NAP1L4: variants seen among roughly 807,000 people sequenced by gnomAD.
NAP1L4 encodes nucleosome assembly protein 1 like 4.
NAP1L4 carries 15 observed loss-of-function variants against 58.2 expected under a neutral mutation model. That is an observed-to-expected ratio of 0.26 (90% CI 0.17 to 0.40). The LOEUF is 0.40. Among genes scored for constraint, NAP1L4 ranks in the 10% least tolerant of loss-of-function variants. NAP1L4 has a pLI of 1.00. For synonymous variants in NAP1L4, 171 were observed against 155.6 expected (o/e 1.10, Z -0.74); for missense variants, 384 against 451.1 (o/e 0.85, Z 1.35).
In NAP1L4 at chr11:2,964,638, G is replaced by T. The variant is rs1236572951; in HGVS notation, c.606+42C>A. ...CCAAGTTCTTCCATCTTTGTGGACTGACCCTGTCTGATGCCAACCAGAAGG... is the reference window on the plus strand; with the variant it reads ...CCAAGTTCTTCCATCTTTGTGGACTTACCCTGTCTGATGCCAACCAGAAGG... On this transcript the variant is annotated intron_variant, in intron 8 of 15. Transcript: ENST00000380542. The T allele has an allele frequency of 2.0e-6, 3 of 1,526,964 alleles. No homozygotes were observed. The Admixed American group carries it at 5.2e-5, about 26-fold the overall frequency. The allele number at this position is 1,526,964 out of a possible 1,614,324, so 94.6% of individuals were successfully genotyped here. A position where few individuals can be genotyped will look rare whatever the true frequency, so the allele number is the denominator to read the frequency against.
At chr11:2,963,787 T>C (rs771279578) in intron 8 of NAP1L4, 11 of 519,166 alleles carry the variant, frequency 2.1e-5, no homozygotes, top group Non-Finnish European at 3.1e-5. Flanking sequence ...CTCCAAGACC[T>C]GAAACTGAAA....
rs763527352 is a variant in NAP1L4, at chr11:2,949,883, G to A, written c.1123-619C>T. Among the ~76,000 whole-genome samples the A allele has an allele frequency of 2.0e-5, 3 of 152,252 alleles. No individual in the cohort carries two copies. The highest frequency in any genetic ancestry group is 4.4e-5 in the Non-Finnish European group (3 of 68,042). On this transcript the variant is annotated intron_variant, in intron 14 of 15. Coordinates refer to ENST00000380542, the MANE Select transcript of NAP1L4 (RefSeq NM_005969.4). The surrounding 1 kb of genome is among the most constrained non-coding windows in gnomAD (Gnocchi z 4.0). ...GAGATACAAGTGCAACAAGGACAGA[G>A]GCAGCTGTGCGCGGAGTCTGAGGAG...
chr11:2,951,013 G>A lies in NAP1L4; in HGVS notation c.1122+246C>T. 2.3e-6 allele frequency: 1 copy of A among 434,054 alleles called. No individual in the cohort carries two copies. The highest frequency in any genetic ancestry group is 4.1e-6 in the Non-Finnish European group (1 of 246,016). 26.9% of individuals were successfully genotyped at this position (434,054 alleles called of 1,614,324 possible). A position where few individuals can be genotyped will look rare whatever the true frequency, so the allele number is the denominator to read the frequency against. On this transcript the variant is annotated intron_variant, in intron 14 of 15. Coordinates refer to ENST00000380542, the MANE Select transcript of NAP1L4 (RefSeq NM_005969.4). This position sits in a 1 kb window ranked among gnomAD's most constrained non-coding sequence, Gnocchi z 4.0. Reference sequence around the variant, plus strand: ...TGGAAAGTCAAGTTGCTCTACTGAGGAGTCTATGTAAATAAGACACAGCTT... The same window carrying A: ...TGGAAAGTCAAGTTGCTCTACTGAGAAGTCTATGTAAATAAGACACAGCTT...
chr11:2,978,334 T>C lies in NAP1L4; in HGVS notation c.23A>G (p.Asp8Gly). 6.2e-7 allele frequency: 1 copy of C among 1,613,868 alleles called. No individual in the cohort carries two copies. The highest frequency in any genetic ancestry group is 1.7e-4 in the Middle Eastern group (1 of 6,060). The change falls in exon 3 of 16, where the codon GAT (aspartate) becomes GGT (glycine). Residue 8 changes from aspartate (D) to glycine (G), a missense_variant. Asp to Gly is a moderately conservative substitution (Grantham distance 94). Transcript: ENST00000380542. MADHSFS[D>G]GVPSDSVEAA... is the part of the protein sequence containing the mutation. Reference sequence around the variant, plus strand: ...TTCCACGGAATCTGAAGGAACCCCATCTGAAAAACTAAAACAACAGTATGT... The same window carrying C: ...TTCCACGGAATCTGAAGGAACCCCACCTGAAAAACTAAAACAACAGTATGT...
In NAP1L4 at chr11:2,954,410, G is replaced by C; in HGVS notation, c.1035+117C>G. On this transcript the variant is annotated intron_variant, in intron 12 of 15. Coordinates refer to ENST00000380542, the MANE Select transcript of NAP1L4 (RefSeq NM_005969.4). The surrounding 1 kb of genome is among the most constrained non-coding windows in gnomAD (Gnocchi z 4.8). ...GACAGCAGCTTGGACTACATATCTGGCTGATGATGTAATAAAAAGATTAGG... is the reference window on the plus strand; with the variant it reads ...GACAGCAGCTTGGACTACATATCTGCCTGATGATGTAATAAAAAGATTAGG... 1 of 1,427,560 alleles carries C rather than the reference G, an allele frequency of 7.0e-7. No individual in the cohort carries two copies. Among genetic ancestry groups the C allele is most frequent in the South Asian group, 1.2e-5 (1 of 84,754 alleles). The allele number at this position is 1,427,560 out of a possible 1,614,324, so 88.4% of individuals were successfully genotyped here.
chr11:2,990,928 A>C lies in NAP1L4; in HGVS notation c.-18+1326T>G, dbSNP rs1248324356. On this transcript the variant is annotated intron_variant, in intron 1 of 15. Transcript: ENST00000380542. Reference sequence around the variant, plus strand: ...ACTTACCTTTAAGGTCCAACAACCTAATCTACATATTTGTATATTTCTAAG... The same window carrying C: ...ACTTACCTTTAAGGTCCAACAACCTCATCTACATATTTGTATATTTCTAAG... 5 of 350,896 alleles carry C rather than the reference A, an allele frequency of 1.4e-5. No homozygotes were observed. The Admixed American group carries it at 1.8e-4, about 13-fold the overall frequency. 21.7% of individuals were successfully genotyped at this position (350,896 alleles called of 1,614,324 possible).
intron 10 of NAP1L4, among the ~76,000 whole-genome samples, chr11:2,957,277 G>A (rs1846601110): frequency 6.6e-6 from 1 of 152,184 alleles, no homozygotes; most frequent in African/African-American, 2.4e-5. Context: ...CCAAAAAAAG[G>A]AAATGTAATA....
At chr11:2,945,745 C>A in intron 15 of NAP1L4, 99 bp from the exon 16 acceptor site, 1 of 1,000,806 alleles carries the variant, frequency 1.0e-6, no homozygotes. Context: ...TGAGTTCATT[C>A]TCATTGAAAA....
intron 1 of NAP1L4, chr11:2,988,081 A>G (rs1848748608): frequency 6.6e-6 from 1 of 152,218 alleles, no homozygotes; most frequent in South Asian, 2.1e-4. Flanking sequence ...ACCTGCCTCC[A>G]AACAGCAGCA....
chr11:2,948,094 A>G lies in NAP1L4; in HGVS notation c.*32+1133T>C, dbSNP rs980559415. 5.3e-5 allele frequency among the ~76,000 whole-genome samples: 8 copies of G among 152,136 alleles called. No homozygotes were observed. The highest frequency in any genetic ancestry group is 1.0e-4 in the Non-Finnish European group (7 of 68,026). The stretch of plus-strand genomic sequence containing the variant: ...GAGTGGGTGAGGGTACAGGTGGAAT[A>G]AGAGTGGCTAAGTTCTTCAGACATG... On this transcript the variant is annotated intron_variant, in intron 15 of 15. Transcript: ENST00000380542. This position sits in a 1 kb window ranked among gnomAD's most constrained non-coding sequence, Gnocchi z 5.1.
At chr11:2,990,984 C>T in intron 1 of NAP1L4, 10 of 378,004 alleles carry the variant, frequency 2.6e-5, no homozygotes, top group Non-Finnish European at 4.4e-5. Flanking sequence ...CTATTTTCAC[C>T]CCGTAAACCT....
In NAP1L4 at chr11:2,946,917, G is replaced by A. The variant is rs563418185; in HGVS notation, c.*33-1271C>T. 2.6e-5 allele frequency among the ~76,000 whole-genome samples: 4 copies of A among 152,322 alleles called. No homozygotes were observed. Among genetic ancestry groups the A allele is most frequent in the Admixed American group, 2.6e-4 (4 of 15,304 alleles). On this transcript the variant is annotated intron_variant, in intron 15 of 15. Transcript: ENST00000380542. The surrounding 1 kb of genome is among the most constrained non-coding windows in gnomAD (Gnocchi z 4.8). ...TGGGGGATGCAGGGCGCCCCGAGCA[G>A]GAGCAGTGAGGGGAGGAGTGGGACA...
Position 2,951,869 on chromosome 11 carries a change from A to G in NAP1L4, c.1036-60T>C. 1.3e-6 allele frequency: 2 copies of G among 1,525,414 alleles called. No individual in the cohort carries two copies. The highest frequency in any genetic ancestry group is 3.4e-5 in the Admixed American group (2 of 59,068). 94.5% of individuals were successfully genotyped at this position (1,525,414 alleles called of 1,614,324 possible). ...AAAACATGACAGCAGCCTGCCCAAG[A>G]CACCAGTCCCATCAAGTGACTCACT... On this transcript the variant is annotated intron_variant, in intron 12 of 15. Transcript: ENST00000380542. This position sits in a 1 kb window ranked among gnomAD's most constrained non-coding sequence, Gnocchi z 4.0.
intron 1 of NAP1L4, among the ~76,000 whole-genome samples, chr11:2,988,297 T>A (rs974287859): frequency 6.6e-6 from 1 of 152,234 alleles, no homozygotes; most frequent in African/African-American, 2.4e-5. Flanking sequence ...ATCCAGTACA[T>A]ATTAAAAGAT....
At chr11:2,973,925 G>A (rs1847795563) in intron 4 of NAP1L4, among the ~76,000 whole-genome samples, 1 of 152,010 alleles carries the variant, frequency 6.6e-6, no homozygotes, top group Admixed American at 6.6e-5. Flanking sequence ...ACATCACCAT[G>A]CCCAGCTAAT....
Position 2,969,365 on chromosome 11 carries a change from T to TAC in NAP1L4, c.534+436_534+437dup, listed in dbSNP as rs112028410. Among the ~76,000 whole-genome samples the TAC allele has an allele frequency of 2.6e-3, 387 of 151,222 alleles. 1 individual carries two copies. The highest frequency in any genetic ancestry group is 8.2e-3 in the African/African-American group (337 of 41,204). On this transcript the variant is annotated intron_variant, in intron 7 of 15. Transcript: ENST00000380542. Reference sequence around the variant, plus strand: ...TCAAAAATTCACTGAGATGTGTGTGTACACACACACACACAAACAAACACA... The same window carrying TAC: ...TCAAAAATTCACTGAGATGTGTGTGTACACACACACACACACAAACAAACACA...
rs930165948 is a variant in NAP1L4, at chr11:2,955,957, G to A, written c.893-191C>T. ...AGCTCCATCCACCACTTCTGAAGCT[G>A]GCCTGAGTGCCTCTATGCCCCCCTC... is the stretch of plus-strand genomic sequence containing the variant. On this transcript the variant is annotated intron_variant, in intron 10 of 15. Coordinates refer to ENST00000380542, the MANE Select transcript of NAP1L4 (RefSeq NM_005969.4). This position sits in a 1 kb window ranked among gnomAD's most constrained non-coding sequence, Gnocchi z 4.2. Among the ~76,000 whole-genome samples the A allele has an allele frequency of 2.0e-5, 3 of 152,104 alleles. No homozygotes were observed. The highest frequency in any genetic ancestry group is 4.4e-5 in the Non-Finnish European group (3 of 68,018).
At chr11:2,969,724 T>C (rs891751274) in intron 7 of NAP1L4, 79 bp downstream of exon 7, 4 of 1,492,694 alleles carry the variant, frequency 2.7e-6, no homozygotes, top group African/African-American at 2.8e-5. Context: ...ATGCCCAGTG[T>C]AGTGCTTAAA....
At chr11:2,987,063 T>C (rs553127877) in intron 1 of NAP1L4, among the ~76,000 whole-genome samples, 1 of 152,222 alleles carries the variant, frequency 6.6e-6, no homozygotes, top group East Asian at 1.9e-4. Flanking sequence ...TGTTTTAGAT[T>C]AGGACATCAG....
Sources: allele counts gnomAD v4.1 joint callset (sites outside exome capture counted in the v4.1 genomes callset), GRCh38; gene constraint gnomAD v4.1.1; non-coding constraint Gnocchi (gnomAD v3.1); transcripts MANE v1.5; gene names NCBI Gene and HGNC (gene_info 2026-07-23, HGNC 2026-07-21).